TRAPPC12: variants seen among roughly 807,000 people sequenced by gnomAD.
TRAPPC12 encodes the protein TPR repeat protein 15.
A neutral mutation model predicts 69.2 loss-of-function variants in TRAPPC12; 61 were observed. The observed-to-expected ratio is 0.88, with a 90% confidence interval of 0.72 to 1.09. The LOEUF (loss-of-function observed/expected upper bound fraction) is 1.09. Among genes scored for constraint, TRAPPC12 ranks in the 50% least tolerant of loss-of-function variants. The pLI is 0.00. For missense variants in TRAPPC12, 1,101 were observed against 1,016.4 expected (o/e 1.08, Z -1.13); for synonymous variants, 469 against 438.9 (o/e 1.07, Z -0.86).
At chr2:3,407,932 C>T (rs936668159) in intron 3 of TRAPPC12, among the ~76,000 whole-genome samples, 4 of 152,120 alleles carry the variant, frequency 2.6e-5, no homozygotes, top group Non-Finnish European at 2.9e-5. Context: ...AGACGGCATG[C>T]GATCATAAGA....
At chr2:3,404,005 C>A (rs931217454) in intron 3 of TRAPPC12, among the ~76,000 whole-genome samples, 2 of 152,186 alleles carry the variant, frequency 1.3e-5, no homozygotes, top group African/African-American at 4.8e-5. Context: ...TGAATTCAGA[C>A]AAATCCTTAT....
intron 1 of TRAPPC12, among the ~76,000 whole-genome samples, chr2:3,380,597 G>A (rs1019058258): frequency 9.8e-5 from 15 of 152,314 alleles, no homozygotes; most frequent in African/African-American, 3.6e-4. Context: ...TTCAGTCACT[G>A]TTCGCAAATT....
intron 3 of TRAPPC12, among the ~76,000 whole-genome samples, chr2:3,403,311 C>A (rs375302672): frequency 1.3e-5 from 2 of 149,030 alleles, no homozygotes; most frequent in East Asian, 3.9e-4. Flanking sequence ...CAGCTCACTG[C>A]AACCTCCACC....
At chr2:3,413,695 T>G (rs1483455393) in intron 3 of TRAPPC12, among the ~76,000 whole-genome samples, 5 of 152,206 alleles carry the variant, frequency 3.3e-5, no homozygotes, top group Non-Finnish European at 7.3e-5. Flanking sequence ...ACAGTTGACT[T>G]TCTTTTTTCA....
At chr2:3,476,897 G>A (rs1572215288) in intron 9 of TRAPPC12, among the ~76,000 whole-genome samples, 1 of 152,248 alleles carries the variant, frequency 6.6e-6, no homozygotes, top group Admixed American at 6.5e-5. Flanking sequence ...CGCAGGCTGT[G>A]CCCCGGACAC....
chr2:3,460,591 TAATTA>T (rs1316935530), intron 8 of TRAPPC12: 1 of 442,916 alleles, frequency 2.3e-6, no homozygotes, highest in Non-Finnish European at 4.0e-6. Context: ...CTAAATGATT[TAATTA>T]AAAGTATTGT....
intron 9 of TRAPPC12, among the ~76,000 whole-genome samples, chr2:3,473,624 T>C (rs146166964): frequency 2.6e-5 from 4 of 152,088 alleles, no homozygotes; most frequent in African/African-American, 7.2e-5. Flanking sequence ...GGAACAGGAA[T>C]GCACCACCAT....
At position 3,387,985 on chromosome 2, in the gene TRAPPC12, A is replaced by G; in HGVS notation, c.362A>G (p.Glu121Gly). 1 of 1,473,148 alleles carries G rather than the reference A, an allele frequency of 6.8e-7. No individual in the cohort carries two copies. The highest frequency in any genetic ancestry group is 8.9e-7 in the Non-Finnish European group (1 of 1,118,724). The allele number at this position is 1,473,148 out of a possible 1,614,324, so 91.3% of individuals were successfully genotyped here. The change falls in exon 2 of 12, where the codon GAG becomes GGG. Residue 121 changes from glutamate (E) to glycine (G), a missense_variant. By Grantham distance (98) the Glu-to-Gly change is moderately conservative. Transcript: ENST00000324266. Reference protein sequence around the residue: ...SGEADGDCAPEDAAPSSGGAP... With the variant: ...SGEADGDCAPGDAAPSSGGAP... ...GAGGCCGACGGCGACTGTGCCCCCG[A>G]GGACGCGGCACCCAGTAGCGGAGGG...
At chr2:3,452,175 G>A (rs894846968) in intron 6 of TRAPPC12, among the ~76,000 whole-genome samples, 2 of 152,058 alleles carry the variant, frequency 1.3e-5, no homozygotes, top group Non-Finnish European at 2.9e-5. Context: ...TCATACACCC[G>A]CTGAGTTCTG....
chr2:3,453,272 A>G (rs1032990896), intron 6 of TRAPPC12, among the ~76,000 whole-genome samples: 2 of 152,138 alleles, frequency 1.3e-5, no homozygotes, highest in African/African-American at 4.8e-5. Flanking sequence ...CACCACCCAC[A>G]CTGCCGGCGC....
At chr2:3,458,414 A>G (rs560954580) in intron 7 of TRAPPC12, 1 of 985,586 alleles carries the variant, frequency 1.0e-6, no homozygotes. Flanking sequence ...CTTCTGTCCT[A>G]CTCGATGTGC....
chr2:3,449,530 T>C (rs1002509613), intron 6 of TRAPPC12: 2 of 152,282 alleles, frequency 1.3e-5, no homozygotes, highest in African/African-American at 4.8e-5. Context: ...ACAATGTCCA[T>C]GTAGCTTTTG....
At chr2:3,465,359 A>G (rs58879823) in intron 8 of TRAPPC12, among the ~76,000 whole-genome samples, 2,662 of 152,302 alleles carry the variant, frequency 0.017, 76 homozygotes, top group African/African-American at 0.059. Context: ...CCCCGGTGAC[A>G]GGCAGGACCC....
intron 6 of TRAPPC12, chr2:3,456,081 G>T (rs1332736007): frequency 6.6e-6 from 1 of 152,180 alleles, no homozygotes; most frequent in Admixed American, 6.5e-5. Context: ...ACTGAAGAAT[G>T]TCGTTTTACC....
chr2:3,428,060 C>A (rs541854191), intron 5 of TRAPPC12, among the ~76,000 whole-genome samples: 1 of 152,264 alleles, frequency 6.6e-6, no homozygotes, highest in African/African-American at 2.4e-5. Context: ...ACACTGAGTG[C>A]CCTTTAAGAT....
intron 5 of TRAPPC12, among the ~76,000 whole-genome samples, chr2:3,428,456 G>T (rs1286299928): frequency 6.6e-6 from 1 of 152,114 alleles, no homozygotes; most frequent in African/African-American, 2.4e-5. Context: ...GCTTTAAAAG[G>T]AGGCTATAAT....
At chr2:3,472,100 G>A (rs561009968) in intron 9 of TRAPPC12, among the ~76,000 whole-genome samples, 1 of 152,272 alleles carries the variant, frequency 6.6e-6, no homozygotes, top group South Asian at 2.1e-4. Context: ...AAGGGGGACG[G>A]GATGCAGGAC....
chr2:3,402,616 AC>A (rs1299980258), intron 3 of TRAPPC12, among the ~76,000 whole-genome samples: 2 of 152,212 alleles, frequency 1.3e-5, no homozygotes, highest in Admixed American at 6.5e-5. Context: ...AAATAAAAAA[AC>A]ATTAGTACTG....
chr2:3,428,803 G>A (rs543732269), intron 5 of TRAPPC12, among the ~76,000 whole-genome samples: 2 of 152,220 alleles, frequency 1.3e-5, no homozygotes, highest in Non-Finnish European at 2.9e-5. Flanking sequence ...CCAGCCCCGC[G>A]CCCCCGGAGC....
Sources: gnomAD v4.1 joint callset for allele counts (sites outside exome capture counted in the v4.1 genomes callset) on GRCh38, gnomAD v4.1.1 for gene constraint, MANE v1.5 for transcripts, NCBI Gene and HGNC (gene_info 2026-07-23, HGNC 2026-07-21) for gene names.